Variants in ASTN1 observed in about 807,000 individuals in gnomAD.
ASTN1 encodes astrotactin-1.
ASTN1 carries 41 observed loss-of-function variants against 140.7 expected under a neutral mutation model. The ratio of observed to expected loss-of-function variants is 0.29; its 90% CI spans 0.23 to 0.38. ASTN1 has a LOEUF of 0.38. Ranked by LOEUF, ASTN1 falls within the 10% of genes least tolerant of loss-of-function variation. The pLI is 1.00. For missense variants in ASTN1, 1,479 were observed against 1,678.8 expected, an observed-to-expected ratio of 0.88 and a Z score of 2.08; for synonymous variants, 640 against 652.2, an observed-to-expected ratio of 0.98 and a Z score of 0.29.
At chr1:176,999,720 C>A (rs1249426583) in intron 8 of ASTN1, among the ~76,000 whole-genome samples, 1 of 151,916 alleles carries the variant, frequency 6.6e-6, no homozygotes, top group African/African-American at 2.4e-5. Flanking sequence ...GGGAGGGACC[C>A]GGTGGGAGGT....
chr1:176,927,122 C>T (rs1043484458), intron 16 of ASTN1, among the ~76,000 whole-genome samples: 1 of 152,124 alleles, frequency 6.6e-6, no homozygotes, highest in East Asian at 1.9e-4. Flanking sequence ...AGAGCCTGAG[C>T]GTCACCTTAG....
At chr1:177,017,188 G>A (rs1675590408) in intron 7 of ASTN1, among the ~76,000 whole-genome samples, 1 of 152,166 alleles carries the variant, frequency 6.6e-6, no homozygotes, top group Non-Finnish European at 1.5e-5. Flanking sequence ...ATCTCCTTAT[G>A]AGGCTTCCGT....
At chr1:176,979,354 C>T (rs1267771698) in intron 8 of ASTN1, among the ~76,000 whole-genome samples, 1 of 151,824 alleles carries the variant, frequency 6.6e-6, no homozygotes, top group African/African-American at 2.4e-5. Flanking sequence ...GGCTTTCTCC[C>T]ATTCCAGGGC....
At chr1:176,915,109 G>T (rs1670424898) in intron 16 of ASTN1, among the ~76,000 whole-genome samples, 1 of 151,948 alleles carries the variant, frequency 6.6e-6, no homozygotes, top group Admixed American at 6.6e-5. Context: ...AGTACCCAAG[G>T]AAAAAATATA....
chr1:176,867,351 G>A (rs1431088252), intron 22 of ASTN1, among the ~76,000 whole-genome samples: 1 of 152,058 alleles, frequency 6.6e-6, no homozygotes, highest in Admixed American at 6.6e-5. Flanking sequence ...GAAAGGAGGG[G>A]GTGGAGAGGG....
At chr1:177,048,937 C>G (rs1214008045) in intron 2 of ASTN1, among the ~76,000 whole-genome samples, 1 of 152,208 alleles carries the variant, frequency 6.6e-6, no homozygotes, top group Non-Finnish European at 1.5e-5. Context: ...CAAAGATTCA[C>G]AAGGGGATGT....
intron 16 of ASTN1, among the ~76,000 whole-genome samples, chr1:176,928,601 G>A (rs1254652002): frequency 1.3e-5 from 2 of 152,142 alleles, no homozygotes; most frequent in Admixed American, 6.5e-5. Context: ...GGAGGAGATG[G>A]TAGAATGGAG....
At chr1:176,894,411 C>A (rs1669401785) in intron 17 of ASTN1, 151 bp downstream of exon 17, 13 of 1,055,690 alleles carry the variant, frequency 1.2e-5, no homozygotes, top group Non-Finnish European at 1.6e-5. Flanking sequence ...CAAATTTAAA[C>A]AAATTAGGTG....
intron 2 of ASTN1, among the ~76,000 whole-genome samples, chr1:177,036,469 T>A (rs946329927): frequency 6.6e-6 from 1 of 152,232 alleles, no homozygotes; most frequent in African/African-American, 2.4e-5. Flanking sequence ...TCTGCTTCTG[T>A]AACTCAAATT....
chr1:176,973,662 A>T (rs191649649), intron 8 of ASTN1, among the ~76,000 whole-genome samples: 2 of 152,112 alleles, frequency 1.3e-5, no homozygotes, highest in Non-Finnish European at 2.9e-5. Context: ...CTCCTCCCCA[A>T]TCTTCTCCCT....
intron 1 of ASTN1, among the ~76,000 whole-genome samples, chr1:177,154,665 A>T (rs1424852278): frequency 1.5e-5 from 2 of 134,588 alleles, no homozygotes; most frequent in African/African-American, 7.6e-5. Flanking sequence ...TATTGCAAGA[A>T]CACATACCAA....
chr1:176,887,831 G>A (rs1175262957), intron 18 of ASTN1, among the ~76,000 whole-genome samples: 1 of 152,120 alleles, frequency 6.6e-6, no homozygotes, highest in African/African-American at 2.4e-5. Flanking sequence ...CATGGCGTCA[G>A]TTCAGACTTG....
intron 1 of ASTN1, among the ~76,000 whole-genome samples, chr1:177,120,846 T>A (rs1276102256): frequency 2.0e-5 from 3 of 152,140 alleles, no homozygotes; most frequent in Non-Finnish European, 4.4e-5. Flanking sequence ...CTGCACTGGA[T>A]CCCTAGCAGC....
rs965226245 is a variant in ASTN1 at position 176,929,963 on chromosome 1, G to C, written c.2671+4189C>G. ...GTGGAGCTTGCAGTGAGCCAAGATC[G>C]CACCACTGCACTCCAGCCTGGGCAA... On this transcript the variant is annotated intron_variant, in intron 16 of 22. Coordinates refer to ENST00000361833, the MANE Select transcript of ASTN1 (RefSeq NM_004319.3). Among the ~76,000 whole-genome samples, 3 of 152,210 alleles carry C rather than the reference G, an allele frequency of 2.0e-5. No individual in the cohort carries two copies. In the East Asian group the frequency reaches 5.8e-4, roughly 29 times the overall value.
chr1:176,970,125 A>C (rs1051415874), intron 8 of ASTN1, among the ~76,000 whole-genome samples: 1 of 152,102 alleles, frequency 6.6e-6, no homozygotes, highest in South Asian at 2.1e-4. Flanking sequence ...GGCAATTTTC[A>C]AGCTTTTGGT....
intron 1 of ASTN1, among the ~76,000 whole-genome samples, chr1:177,147,503 G>C (rs1047670438): frequency 3.3e-5 from 5 of 152,210 alleles, no homozygotes; most frequent in African/African-American, 1.2e-4. Flanking sequence ...AGTGCATGGA[G>C]TGCTGAGAAT....
At chr1:176,921,147 T>C (rs1021346378) in intron 16 of ASTN1, among the ~76,000 whole-genome samples, 2 of 152,206 alleles carry the variant, frequency 1.3e-5, no homozygotes, top group Non-Finnish European at 2.9e-5. Flanking sequence ...CTGCCCTCAT[T>C]TTCAAAAAAT....
chr1:177,151,584 A>G (rs945926764), intron 1 of ASTN1, among the ~76,000 whole-genome samples: 12 of 152,136 alleles, frequency 7.9e-5, no homozygotes, highest in Non-Finnish European at 1.3e-4. Flanking sequence ...GGGTTTCTGA[A>G]TAACTTCATG....
intron 1 of ASTN1, among the ~76,000 whole-genome samples, chr1:177,098,400 G>C (rs1165704780): frequency 6.6e-6 from 1 of 152,164 alleles, no homozygotes; most frequent in Non-Finnish European, 1.5e-5. Context: ...ATAAAGATGA[G>C]ATAAAATAAT....
Sources: gnomAD v4.1 joint callset for allele counts (sites outside exome capture counted in the v4.1 genomes callset) on GRCh38, gnomAD v4.1.1 for gene constraint, MANE v1.5 for transcripts, NCBI Gene and HGNC (gene_info 2026-07-23, HGNC 2026-07-21) for gene names.